Variants in MAP3K10 observed in about 807,000 individuals in gnomAD.
The protein encoded by MAP3K10 is mitogen-activated protein kinase kinase kinase 10.
MAP3K10 carries 22 observed loss-of-function variants against 75.0 expected under a neutral mutation model. The ratio of observed to expected loss-of-function variants is 0.29; its 90% CI spans 0.21 to 0.42. MAP3K10 has a LOEUF of 0.42. Among genes scored for constraint, MAP3K10 ranks in the 10% least tolerant of loss-of-function variants. The pLI is 1.00. For missense variants in MAP3K10, 1,165 were observed against 1,379.8 expected (o/e 0.84, Z 2.47); for synonymous variants, 599 against 612.9 (o/e 0.98, Z 0.34).
At position 40,192,284 on chromosome 19, in the gene MAP3K10, G is replaced by A; in HGVS notation, c.253G>A (p.Ala85Thr). The A allele has an allele frequency of 3.1e-6, 5 of 1,593,770 alleles. No individual in the cohort carries two copies. The highest frequency in any genetic ancestry group is 2.2e-5 in the South Asian group (2 of 89,042). ...YVAPGAPAAP[A>T]GLQLPQEIPF... ...GGCCCCCGGCGCCCCCGCTGCACCC[G>A]CGGGCCTCCAGCTGCCCCAGGAGAT... is the stretch of plus-strand genomic sequence containing the variant. Residue 85 changes from alanine to threonine, a missense_variant, in exon 1 of 10, where the codon GCG becomes ACG. Ala to Thr is a moderately conservative substitution (Grantham distance 58). This residue lies in a region of MAP3K10 where 575 missense variants were observed against 793.2 expected (regional missense o/e 0.72). Coordinates refer to ENST00000253055, the MANE Select transcript of MAP3K10 (RefSeq NM_002446.4). The surrounding 1 kb of genome is among the most constrained non-coding windows in gnomAD (Gnocchi z 7.1).
chr19:40,198,320 T>C lies in MAP3K10; in HGVS notation c.683-55T>C. ...TAGCTGAGGCAGCGGGCCAGAACAC[T>C]TGGGTCTGCGGCGTGGCAGGTCTGG... On this transcript the variant is annotated intron_variant, in intron 1 of 9. Coordinates refer to ENST00000253055, the MANE Select transcript of MAP3K10 (RefSeq NM_002446.4). The surrounding 1 kb of genome is among the most constrained non-coding windows in gnomAD (Gnocchi z 4.3). The C allele has an allele frequency of 6.5e-7, 1 of 1,536,606 alleles. No homozygotes were observed. The highest frequency in any genetic ancestry group is 8.8e-7 in the Non-Finnish European group (1 of 1,131,410).
In MAP3K10 at chr19:40,213,779, G is replaced by A; in HGVS notation, c.2100G>A (p.Glu700=). 2.5e-6 allele frequency: 3 copies of A among 1,200,132 alleles called. No homozygotes were observed. Among genetic ancestry groups the A allele is most frequent in the Non-Finnish European group, 3.1e-6 (3 of 962,588 alleles). The allele number at this position is 1,200,132 out of a possible 1,614,324, so 74.3% of individuals were successfully genotyped here. The change falls in exon 9 of 10, where the codon GAG becomes GAA. Residue 700 remains glutamate, a synonymous_variant. Transcript: ENST00000253055. This position sits in a 1 kb window ranked among gnomAD's most constrained non-coding sequence, Gnocchi z 5.7. ...DVAEARAADG[E]EQRRWLDGLF... ...CCGAGGCGCGCGCGGCCGACGGTGAGGAGCAGCGGCGCTGGCTCGACGGCC... is the reference window on the plus strand; with the variant it reads ...CCGAGGCGCGCGCGGCCGACGGTGAAGAGCAGCGGCGCTGGCTCGACGGCC...
chr19:40,215,427 G>T lies in MAP3K10; in HGVS notation c.*135G>T. 2 of 827,422 alleles carry T rather than the reference G, an allele frequency of 2.4e-6. No homozygotes were observed. Among genetic ancestry groups the T allele is most frequent in the Non-Finnish European group, 3.7e-6 (2 of 540,606 alleles). 51.3% of individuals were successfully genotyped at this position (827,422 alleles called of 1,614,324 possible). On this transcript the variant is annotated 3_prime_UTR_variant, in exon 10 of 10. Coordinates refer to ENST00000253055, the MANE Select transcript of MAP3K10 (RefSeq NM_002446.4). ...ATTTATTGGGGAAGGAGGGAGGGGG[G>T]GGACACTTAACTTATTCCTTTGTAC...
chr19:40,207,474 G>A (rs905848156), intron 5 of MAP3K10, among the ~76,000 whole-genome samples: 1 of 152,168 alleles, frequency 6.6e-6, no homozygotes, highest in Non-Finnish European at 1.5e-5. Context: ...GGTGGCTCAC[G>A]TCTGTAATCC....
rs137991132 is a variant in MAP3K10, at chr19:40,199,182, T to C, written c.863+627T>C. Reference sequence around the variant, plus strand: ...ATCTGTCAGACAGGAAAATGATTAATTCACTCATTCATTCCTTCATCTAAC... The same window carrying C: ...ATCTGTCAGACAGGAAAATGATTAACTCACTCATTCATTCCTTCATCTAAC... On this transcript the variant is annotated intron_variant, in intron 2 of 9. Transcript: ENST00000253055. Among the ~76,000 whole-genome samples, 526 of 152,324 alleles carry C rather than the reference T, an allele frequency of 3.5e-3. 3 individuals are homozygous for C. Among genetic ancestry groups the C allele is most frequent in the Middle Eastern group, 6.8e-3 (2 of 294 alleles).
chr19:40,213,642 A>C lies in MAP3K10; in HGVS notation c.1963A>C (p.Thr655Pro). Reference sequence around the variant, plus strand: ...GGGGGCGCGGGCGCCGTGGGAGCCGACGCCGTCCGCGCCCCCCGCTCGGTG... The same window carrying C: ...GGGGGCGCGGGCGCCGTGGGAGCCGCCGCCGTCCGCGCCCCCCGCTCGGTG... ...SPGARAPWEPTPSAPPARWGH... is the reference protein window; with the variant it reads ...SPGARAPWEPPPSAPPARWGH... Residue 655 changes from threonine to proline, a missense_variant, in exon 9 of 10, where the codon ACG becomes CCG. Thr to Pro is a conservative substitution (Grantham distance 38). Around this residue, in one of 2 missense-constraint regions of MAP3K10, gnomAD observed 590 missense variants for 586.6 expected, o/e 1.01. Coordinates refer to ENST00000253055, the MANE Select transcript of MAP3K10 (RefSeq NM_002446.4). The surrounding 1 kb of genome is among the most constrained non-coding windows in gnomAD (Gnocchi z 5.7). 2.8e-6 allele frequency: 4 copies of C among 1,414,754 alleles called. No individual in the cohort carries two copies. Among genetic ancestry groups the C allele is most frequent in the East Asian group, 3.3e-5 (1 of 30,456 alleles). 87.6% of individuals were successfully genotyped at this position (1,414,754 alleles called of 1,614,324 possible). A position where few individuals can be genotyped will look rare whatever the true frequency, so the allele number is the denominator to read the frequency against.
chr19:40,209,344 T>C lies in MAP3K10; in HGVS notation c.1552+125T>C, dbSNP rs1230844569. ...AAGAAGACAGACAAGGCCCTTTTCC[T>C]CATTCTTATCACAGGAAACAGATAG... On this transcript the variant is annotated intron_variant, in intron 6 of 9. Coordinates refer to ENST00000253055, the MANE Select transcript of MAP3K10 (RefSeq NM_002446.4). 12 of 610,966 alleles carry C rather than the reference T, an allele frequency of 2.0e-5. No homozygotes were observed. The Middle Eastern group carries it at 2.4e-3, about 120-fold the overall frequency. 37.8% of individuals were successfully genotyped at this position (610,966 alleles called of 1,614,324 possible).
intron 5 of MAP3K10, among the ~76,000 whole-genome samples, chr19:40,208,354 T>A (rs1222158664): frequency 4.0e-5 from 4 of 101,252 alleles, no homozygotes; most frequent in African/African-American, 1.7e-4. Context: ...TCTTTTTTTT[T>A]TTTTTTTTTT....
At chr19:40,199,269 T>G (rs1424593729) in intron 2 of MAP3K10, among the ~76,000 whole-genome samples, 1 of 152,150 alleles carries the variant, frequency 6.6e-6, no homozygotes, top group Non-Finnish European at 1.5e-5. Context: ...CCCTCAGGAA[T>G]AGTAAGTCAG....
At position 40,205,709 on chromosome 19, in the gene MAP3K10, G is replaced by T. The variant is rs2145085812; in HGVS notation, c.1189-202G>T. 2 of 548,106 alleles carry T rather than the reference G, an allele frequency of 3.6e-6. No individual in the cohort carries two copies. Among genetic ancestry groups the T allele is most frequent in the East Asian group, 6.1e-5 (2 of 32,988 alleles). The allele number at this position is 548,106 out of a possible 1,614,324, so 34.0% of individuals were successfully genotyped here. ...GTTAAGAAAGAAAAAGAAAGAAAAA[G>T]CACCCCTTTCTTTGAGCTAACACAG... is the stretch of plus-strand genomic sequence containing the variant. On this transcript the variant is annotated intron_variant, in intron 4 of 9. Coordinates refer to ENST00000253055, the MANE Select transcript of MAP3K10 (RefSeq NM_002446.4). The surrounding 1 kb of genome is among the most constrained non-coding windows in gnomAD (Gnocchi z 4.3).
intron 2 of MAP3K10, among the ~76,000 whole-genome samples, chr19:40,203,832 C>T (rs1973069510): frequency 6.6e-6 from 1 of 152,164 alleles, no homozygotes; most frequent in African/African-American, 2.4e-5. Flanking sequence ...GCTGTGGAAT[C>T]AAGGAAGGCT....
At chr19:40,214,290 C>G (rs1973308452) in intron 9 of MAP3K10, 69 bp downstream of exon 9, 1 of 1,354,796 alleles carries the variant, frequency 7.4e-7, no homozygotes, top group Non-Finnish European at 9.5e-7. Flanking sequence ...GGTCGCAAGT[C>G]CAGCCCAGCC....
In MAP3K10 at chr19:40,213,021, C is replaced by T. The variant is rs1415723293; in HGVS notation, c.1724+45C>T. On this transcript the variant is annotated intron_variant, in intron 7 of 9. Coordinates refer to ENST00000253055, the MANE Select transcript of MAP3K10 (RefSeq NM_002446.4). The surrounding 1 kb of genome is among the most constrained non-coding windows in gnomAD (Gnocchi z 5.7). ...TGCCCACCCTGTGCCCAAGCCCCAG[C>T]TCCCAGGCTCCAGGCCACAGGACTG... 1 of 1,593,128 alleles carries T rather than the reference C, an allele frequency of 6.3e-7. No individual in the cohort carries two copies. The highest frequency in any genetic ancestry group is 1.7e-5 in the Admixed American group (1 of 58,400).
chr19:40,206,719 T>C (rs1973129671), intron 5 of MAP3K10, among the ~76,000 whole-genome samples: 1 of 152,140 alleles, frequency 6.6e-6, no homozygotes, highest in Non-Finnish European at 1.5e-5. Context: ...CCTCACACCA[T>C]CCCCTGAGAG....
rs1973263157 is a variant in MAP3K10 at position 40,212,753 on chromosome 19, C to T, written c.1553-52C>T. On this transcript the variant is annotated intron_variant, in intron 6 of 9. Coordinates refer to ENST00000253055, the MANE Select transcript of MAP3K10 (RefSeq NM_002446.4). This position sits in a 1 kb window ranked among gnomAD's most constrained non-coding sequence, Gnocchi z 4.2. ...GCTGGGGGCACTGGAGGCTGGGAGC[C>T]CAGTGGGGACAGATCCTCCACCCAG... 5.1e-6 allele frequency: 8 copies of T among 1,555,820 alleles called. No homozygotes were observed. The highest frequency in any genetic ancestry group is 1.4e-5 in the African/African-American group (1 of 73,376).
rs945872839 is a variant in MAP3K10, at chr19:40,198,179, T to A, written c.683-196T>A. On this transcript the variant is annotated intron_variant, in intron 1 of 9. Coordinates refer to ENST00000253055, the MANE Select transcript of MAP3K10 (RefSeq NM_002446.4). This position sits in a 1 kb window ranked among gnomAD's most constrained non-coding sequence, Gnocchi z 4.3. ...ACAGGAGGAGCTCCCTACTCCCTCA[T>A]GGGAGCCTGGGACAGGGATTAGACC... Among the ~76,000 whole-genome samples, 1 of 151,998 alleles carries A rather than the reference T, an allele frequency of 6.6e-6. No homozygotes were observed. The highest frequency in any genetic ancestry group is 2.4e-5 in the African/African-American group (1 of 41,378).
chr19:40,204,904 C>A lies in MAP3K10; in HGVS notation c.1013-217C>A. The A allele has an allele frequency of 1.6e-6, 1 of 616,834 alleles. No individual in the cohort carries two copies. The highest frequency in any genetic ancestry group is 2.8e-6 in the Non-Finnish European group (1 of 353,056). 38.2% of individuals were successfully genotyped at this position (616,834 alleles called of 1,614,324 possible). ...ACCTTGATCCTGATTCCACTACCAG[C>A]CCCTCCTCGGGGTGCAGGTCCCAGG... On this transcript the variant is annotated intron_variant, in intron 3 of 9. Transcript: ENST00000253055. This position sits in a 1 kb window ranked among gnomAD's most constrained non-coding sequence, Gnocchi z 4.3.
chr19:40,209,970 TAAAAAC>T (rs944391245), intron 6 of MAP3K10, among the ~76,000 whole-genome samples: 17 of 151,688 alleles, frequency 1.1e-4, no homozygotes, highest in Non-Finnish European at 2.2e-4. Flanking sequence ...CATCTCTACT[TAAAAAC>T]AAAAACAAAG....
Position 40,213,570 on chromosome 19 carries a change from T to C in MAP3K10, c.1891T>C (p.Ser631Pro), listed in dbSNP as rs1236598808. 1 of 1,610,516 alleles carries C rather than the reference T, an allele frequency of 6.2e-7. No homozygotes were observed. The highest frequency in any genetic ancestry group is 1.7e-5 in the Admixed American group (1 of 59,834). The stretch of plus-strand genomic sequence containing the variant: ...CAGCAGCGTGCCCCCTTCCCCCTAC[T>C]CGACCCCGTCCTACCTCTCAGTGCC... ...GGSSVPPSPY[S>P]TPSYLSVPLP... The change falls in exon 9 of 10, where the codon TCG becomes CCG. Residue 631 changes from serine (S) to proline (P), a missense_variant. By Grantham distance (74) the Ser-to-Pro change is moderately conservative. Transcript: ENST00000253055. The surrounding 1 kb of genome is among the most constrained non-coding windows in gnomAD (Gnocchi z 5.7).
Sources: allele counts gnomAD v4.1 joint callset (sites outside exome capture counted in the v4.1 genomes callset), GRCh38; gene constraint gnomAD v4.1.1; regional missense constraint gnomAD v4.1.1; non-coding constraint Gnocchi (gnomAD v3.1); transcripts MANE v1.5; gene names NCBI Gene and HGNC (gene_info 2026-07-23, HGNC 2026-07-21).